Variants in KL observed in about 807,000 individuals in gnomAD.
KL encodes the protein klotho.
In KL, 62 loss-of-function variants were observed where a neutral mutation model predicts 84.2. The ratio of observed to expected loss-of-function variants is 0.74; its 90% confidence interval spans 0.60 to 0.91. The LOEUF is 0.91. Among genes scored for constraint, KL ranks in the 40% least tolerant of loss-of-function variants. The pLI, the probability that KL is intolerant of heterozygous loss-of-function variation, is 0.00. For missense variants in KL, 1,261 were observed against 1,305.7 expected, an observed-to-expected ratio of 0.97 and a Z score of 0.53; for synonymous variants, 528 against 528.0, an observed-to-expected ratio of 1.00 and a Z score of 0.00.
At chr13:33,018,596 G>T (rs1332281613) in intron 1 of KL, among the ~76,000 whole-genome samples, 1 of 152,164 alleles carries the variant, frequency 6.6e-6, no homozygotes, top group Non-Finnish European at 1.5e-5. Flanking sequence ...TTTTAGAGCG[G>T]TGATTCTTAT....
At chr13:33,034,123 T>C (rs1871077015) in intron 1 of KL, among the ~76,000 whole-genome samples, 1 of 152,170 alleles carries the variant, frequency 6.6e-6, no homozygotes, top group Non-Finnish European at 1.5e-5. Context: ...TGAATCTGGC[T>C]AAAGCTCAAG....
chr13:33,027,311 C>A (rs1037157189), intron 1 of KL, among the ~76,000 whole-genome samples: 2 of 152,170 alleles, frequency 1.3e-5, no homozygotes, highest in Admixed American at 6.5e-5. Flanking sequence ...GGGACGAGGC[C>A]TCTTCAGCAT....
In KL at chr13:33,064,699, C is replaced by G. The variant is rs893439386; in HGVS notation, c.*513C>G. The G allele has an allele frequency of 4.3e-6, 1 of 230,948 alleles. No homozygotes were observed. Among genetic ancestry groups the G allele is most frequent in the East Asian group, 6.3e-5 (1 of 15,782 alleles). The allele number at this position is 230,948 out of a possible 1,614,324, so 14.3% of individuals were successfully genotyped here. On this transcript the variant is annotated 3_prime_UTR_variant, in exon 5 of 5. Coordinates refer to ENST00000380099, the MANE Select transcript of KL (RefSeq NM_004795.4). ...AAGATGGCAGATACAGGAGAGACGA[C>G]AGAGGGTCCTAGGCTGGAATGTTCC...
At chr13:33,019,035 A>G (rs960917845) in intron 1 of KL, among the ~76,000 whole-genome samples, 1 of 152,236 alleles carries the variant, frequency 6.6e-6, no homozygotes. Context: ...AAATTTGCCA[A>G]ACACTAACCA....
At position 33,064,006 on chromosome 13, in the gene KL, C is replaced by T. The variant is rs369183778; in HGVS notation, c.2859C>T (p.Phe953=). Reference sequence around the variant, plus strand: ...GGAAAATTATTGACAGCAATGGTTTCCCGGGCCCAGAAACTCTGGAAAGAT... The same window carrying T: ...GGAAAATTATTGACAGCAATGGTTTTCCGGGCCCAGAAACTCTGGAAAGAT... ...HYRKIIDSNG[F]PGPETLERFC... Residue 953 remains phenylalanine, a synonymous_variant, in exon 5 of 5, where the codon TTC becomes TTT. Transcript: ENST00000380099. 3.6e-5 allele frequency: 58 copies of T among 1,614,046 alleles called. No individual in the cohort carries two copies. Among genetic ancestry groups the T allele is most frequent in the Non-Finnish European group, 4.7e-5 (56 of 1,180,042 alleles).
intron 3 of KL, among the ~76,000 whole-genome samples, chr13:33,060,443 G>A (rs1381937370): frequency 2.6e-5 from 4 of 152,260 alleles, no homozygotes; most frequent in African/African-American, 7.2e-5. Flanking sequence ...ACTTTTGGGG[G>A]TCACATTAAA....
chr13:33,027,318 G>T (rs555830388), intron 1 of KL, among the ~76,000 whole-genome samples: 8 of 152,296 alleles, frequency 5.3e-5, no homozygotes, highest in African/African-American at 1.9e-4. Flanking sequence ...GGCCTCTTCA[G>T]CATAAAGAAG....
At chr13:33,053,698 G>A (rs917794792) in intron 1 of KL, 69 bp from the exon 2 acceptor site, 2 of 1,403,082 alleles carry the variant, frequency 1.4e-6, no homozygotes, top group Non-Finnish European at 2.0e-6. Flanking sequence ...CTGATTTGGG[G>A]ATTCAAGTAT....
intron 1 of KL, among the ~76,000 whole-genome samples, chr13:33,020,209 G>T (rs1471961119): frequency 6.6e-5 from 10 of 152,178 alleles, no homozygotes; most frequent in Admixed American, 1.3e-4. Context: ...TCAGTGTGCA[G>T]GTCTCAGCCC....
In KL at chr13:33,060,974, C is replaced by A; in HGVS notation, c.1895C>A (p.Thr632Asn). The A allele has an allele frequency of 6.2e-7, 1 of 1,612,692 alleles. No individual in the cohort carries two copies. The highest frequency in any genetic ancestry group is 1.1e-5 in the South Asian group (1 of 90,978). ...MASELVRVNI[T>N]PVVALWQPMA... is the part of the protein sequence containing the mutation. Reference sequence around the variant, plus strand: ...AGCGAGCTTGTCCGTGTCAACATCACCCCAGTGGTGGCCCTGTGGCAGCCT... The same window carrying A: ...AGCGAGCTTGTCCGTGTCAACATCAACCCAGTGGTGGCCCTGTGGCAGCCT... Residue 632 changes from threonine (T) to asparagine (N), a missense_variant, in exon 4 of 5, where the codon ACC (threonine) becomes AAC (asparagine). By Grantham distance (65) the Thr-to-Asn change is moderately conservative. Transcript: ENST00000380099.
rs749586705 is a variant in KL at position 33,061,251 on chromosome 13, G to C, written c.2172G>C (p.Gly724=). Residue 724 remains glycine, a synonymous_variant, in exon 4 of 5, where the codon GGG becomes GGC. Coordinates refer to ENST00000380099, the MANE Select transcript of KL (RefSeq NM_004795.4). ...YNEKFRHAQN[G]KISIALQADW... The stretch of plus-strand genomic sequence containing the variant: ...AAAAGTTTAGGCATGCTCAGAATGG[G>C]AAAATATCCATAGCCTTGCAGGCTG... 1 of 1,614,228 alleles carries C rather than the reference G, an allele frequency of 6.2e-7. No homozygotes were observed. Among genetic ancestry groups the C allele is most frequent in the Non-Finnish European group, 8.5e-7 (1 of 1,180,040 alleles).
intron 4 of KL, among the ~76,000 whole-genome samples, chr13:33,062,498 C>G (rs982854547): frequency 6.6e-6 from 1 of 151,580 alleles, no homozygotes; most frequent in Non-Finnish European, 1.5e-5. Context: ...CATGGTGAAA[C>G]CCCGTCTCTA....
chr13:33,016,773 G>T lies in KL; in HGVS notation c.333G>T (p.Leu111Phe), dbSNP rs979317797. 1 of 1,611,668 alleles carries T rather than the reference G, an allele frequency of 6.2e-7. No individual in the cohort carries two copies. The change falls in exon 1 of 5, where the codon TTG becomes TTT. Residue 111 changes from leucine (L) to phenylalanine (F), a missense_variant. Physicochemically the swap from Leu to Phe is conservative, Grantham distance 22 (BLOSUM62 0). Coordinates refer to ENST00000380099, the MANE Select transcript of KL (RefSeq NM_004795.4). ...ACTCCCGGAACGCCAGTCTGCCGTT[G>T]GGCGCCCCGTCGCCGCTGCAGCCCG... Reference protein sequence around the residue: ...PGDSRNASLPLGAPSPLQPAT... With the variant: ...PGDSRNASLPFGAPSPLQPAT...
In KL at chr13:33,060,700, T is replaced by G; in HGVS notation, c.1621T>G (p.Phe541Val). 1 of 1,614,196 alleles carries G rather than the reference T, an allele frequency of 6.2e-7. No homozygotes were observed. The highest frequency in any genetic ancestry group is 8.5e-7 in the Non-Finnish European group (1 of 1,180,034). ...YIQVDTTLSQ[F>V]TDLNVYLWDV... ...ACAGGTAGATACCACTCTGTCTCAGTTTACCGACCTGAATGTTTACCTGTG... is the reference window on the plus strand; with the variant it reads ...ACAGGTAGATACCACTCTGTCTCAGGTTACCGACCTGAATGTTTACCTGTG... Residue 541 changes from phenylalanine (F) to valine (V), a missense_variant, in exon 4 of 5, where the codon TTT becomes GTT. Phe to Val is a conservative substitution (Grantham distance 50). Transcript: ENST00000380099.
intron 4 of KL, among the ~76,000 whole-genome samples, chr13:33,062,353 C>G (rs1872240207): frequency 1.3e-5 from 2 of 150,228 alleles, no homozygotes; most frequent in Admixed American, 1.3e-4. Context: ...GCAATCTGGC[C>G]TGGGTGACAG....
intron 1 of KL, among the ~76,000 whole-genome samples, chr13:33,020,327 C>A (rs912610298): frequency 6.6e-6 from 1 of 152,104 alleles, no homozygotes; most frequent in Non-Finnish European, 1.5e-5. Flanking sequence ...AGCTCCCTGG[C>A]GATTCCCTCT....
At chr13:33,017,843 G>A (rs995578276) in intron 1 of KL, among the ~76,000 whole-genome samples, 2 of 152,218 alleles carry the variant, frequency 1.3e-5, no homozygotes, top group African/African-American at 4.8e-5. Context: ...TCACCGGGGT[G>A]TGAAGACCGC....
intron 1 of KL, among the ~76,000 whole-genome samples, chr13:33,034,892 A>ATGTT (rs1453153136): frequency 2.6e-5 from 4 of 152,192 alleles, no homozygotes; most frequent in African/African-American, 9.7e-5. Context: ...TTGAATATAC[A>ATGTT]CCATTGAAAC....
At chr13:33,056,349 AT>A (rs1871955926) in intron 3 of KL, among the ~76,000 whole-genome samples, 1 of 152,204 alleles carries the variant, frequency 6.6e-6, no homozygotes, top group Admixed American at 6.5e-5. Flanking sequence ...AGAATGTGAA[AT>A]GGGTTGCTGT....
Sources: gnomAD v4.1 joint callset for allele counts (sites outside exome capture counted in the v4.1 genomes callset) on GRCh38, gnomAD v4.1.1 for gene constraint, MANE v1.5 for transcripts, NCBI Gene and HGNC (gene_info 2026-07-23, HGNC 2026-07-21) for gene names.